Variants in KAT2B observed in about 807,000 individuals in gnomAD.
The protein encoded by KAT2B is histone acetyltransferase KAT2B.
KAT2B carries 36 observed loss-of-function variants against 105.9 expected under a neutral mutation model. The observed-to-expected ratio is 0.34, with a 90% confidence interval of 0.26 to 0.45. The LOEUF (loss-of-function observed/expected upper bound fraction) is 0.45. KAT2B is among the 20% of genes least tolerant of loss of function. KAT2B has a pLI of 1.00. For synonymous variants in KAT2B, 397 were observed against 377.9 expected (o/e 1.05, Z -0.59); for missense variants, 820 against 1,021.6 (o/e 0.80, Z 2.69).
intron 5 of KAT2B, among the ~76,000 whole-genome samples, chr3:20,102,569 C>G (rs975629095): frequency 3.3e-5 from 5 of 152,178 alleles, no homozygotes; most frequent in Admixed American, 2.6e-4. Flanking sequence ...CATTCAAACT[C>G]TGCAGATAGT....
chr3:20,153,485 A>AT lies in KAT2B; in HGVS notation c.*961dup, dbSNP rs1295615281. ...AATATGCAAATGAACATTTTCCTTTATGTCTCTCCAGATAATGTTTATTGT... is the reference window on the plus strand; with the variant it reads ...AATATGCAAATGAACATTTTCCTTTATTGTCTCTCCAGATAATGTTTATTGT... On this transcript the variant is annotated 3_prime_UTR_variant, in exon 18 of 18. Coordinates refer to ENST00000263754, the MANE Select transcript of KAT2B (RefSeq NM_003884.5). 6.6e-6 allele frequency: 1 copy of AT among 152,594 alleles called. No homozygotes were observed. Among genetic ancestry groups the AT allele is most frequent in the African/African-American group, 2.4e-5 (1 of 41,448 alleles). 9.5% of individuals were successfully genotyped at this position (152,594 alleles called of 1,614,324 possible). A position where few individuals can be genotyped will look rare whatever the true frequency, so the allele number is the denominator to read the frequency against.
chr3:20,123,058 T>G (rs750468192), intron 9 of KAT2B: 17 of 674,970 alleles, frequency 2.5e-5, no homozygotes, highest in Non-Finnish European at 3.7e-6. Context: ...CTTTTTATCT[T>G]GAAAAATTTC....
intron 17 of KAT2B, among the ~76,000 whole-genome samples, chr3:20,151,370 G>A (rs1173992865): frequency 2.0e-5 from 3 of 151,782 alleles, no homozygotes; most frequent in Non-Finnish European, 2.9e-5. Context: ...CAATGTATTT[G>A]GTTATAGGTT....
intron 2 of KAT2B, among the ~76,000 whole-genome samples, chr3:20,084,027 C>G (rs1219218173): frequency 6.6e-6 from 1 of 152,130 alleles, no homozygotes; most frequent in African/African-American, 2.4e-5. Context: ...GCTACTTCCT[C>G]AGAGATTGAG....
intron 13 of KAT2B, among the ~76,000 whole-genome samples, chr3:20,143,290 A>G (rs1699725653): frequency 6.6e-6 from 1 of 152,194 alleles, no homozygotes; most frequent in African/African-American, 2.4e-5. Flanking sequence ...AACACAATGA[A>G]AATATCTCCT....
At chr3:20,121,475 C>T (rs561033632) in intron 8 of KAT2B, among the ~76,000 whole-genome samples, 14 of 152,144 alleles carry the variant, frequency 9.2e-5, no homozygotes, top group South Asian at 6.2e-4. Flanking sequence ...ATGAGGAAAG[C>T]GGAAGAAAGT....
intron 11 of KAT2B, 33 bp from the exon 12 acceptor site, chr3:20,136,909 A>G: frequency 8.6e-7 from 1 of 1,158,742 alleles, no homozygotes; most frequent in African/African-American, 1.5e-5. Context: ...TCCCCAGTCT[A>G]ATGTATTTGT....
chr3:20,084,200 A>G (rs1195103519), intron 2 of KAT2B, among the ~76,000 whole-genome samples: 1 of 152,150 alleles, frequency 6.6e-6, no homozygotes, highest in Non-Finnish European at 1.5e-5. Flanking sequence ...ATTACAGGGA[A>G]GCTTCTCTTT....
At chr3:20,102,478 A>C (rs993121109) in intron 5 of KAT2B, among the ~76,000 whole-genome samples, 1 of 152,208 alleles carries the variant, frequency 6.6e-6, no homozygotes, top group Non-Finnish European at 1.5e-5. Flanking sequence ...ACTTAATATC[A>C]TATCAAACAT....
intron 1 of KAT2B, among the ~76,000 whole-genome samples, chr3:20,048,930 G>A (rs1341874551): frequency 1.3e-5 from 2 of 151,964 alleles, no homozygotes; most frequent in Non-Finnish European, 2.9e-5. Context: ...GAGTGCAGTG[G>A]CGTGCACTGC....
intron 14 of KAT2B, among the ~76,000 whole-genome samples, chr3:20,146,993 A>G (rs1361310489): frequency 2.6e-5 from 4 of 152,178 alleles, no homozygotes; most frequent in Admixed American, 2.6e-4. Flanking sequence ...CCTATTTTAC[A>G]GTAGTTTTCC....
At chr3:20,144,331 C>T (rs1474087231) in intron 13 of KAT2B, among the ~76,000 whole-genome samples, 1 of 137,058 alleles carries the variant, frequency 7.3e-6, no homozygotes, top group Admixed American at 7.8e-5. Context: ...CTCTGTCACC[C>T]AGGCTGGAGT....
In KAT2B at chr3:20,092,662, A is replaced by G. The variant is rs549089376; in HGVS notation, c.431-2601A>G. Among the ~76,000 whole-genome samples the G allele has an allele frequency of 6.6e-4, 100 of 151,802 alleles. 2 individuals carry two copies. The highest frequency in any genetic ancestry group is 3.2e-4 in the Non-Finnish European group (22 of 67,966). ...ATCCTCTTGATGAATTGATCCCTTTATCATTATATAATGCCCTTTTTGGTC... is the reference window on the plus strand; with the variant it reads ...ATCCTCTTGATGAATTGATCCCTTTGTCATTATATAATGCCCTTTTTGGTC... On this transcript the variant is annotated intron_variant, in intron 2 of 17. Transcript: ENST00000263754.
Position 20,072,325 on chromosome 3 carries a change from A to G in KAT2B, c.304-8A>G, listed in dbSNP as rs745595746. On this transcript the variant is annotated splice_polypyrimidine_tract_variant and splice_region_variant and intron_variant, in intron 1 of 17. Coordinates refer to ENST00000263754, the MANE Select transcript of KAT2B (RefSeq NM_003884.5). ...ATAATTTTGTCTCTTTCTTTATTCC[A>G]TTTTTAGGCCGAGGAGTCTTGTAAA... is the stretch of plus-strand genomic sequence containing the variant. 3 of 1,612,970 alleles carry G rather than the reference A, an allele frequency of 1.9e-6. No individual in the cohort carries two copies. The highest frequency in any genetic ancestry group is 2.5e-6 in the Non-Finnish European group (3 of 1,179,260).
At chr3:20,116,737 C>T (rs1283292638) in intron 7 of KAT2B, among the ~76,000 whole-genome samples, 13 of 152,070 alleles carry the variant, frequency 8.5e-5, no homozygotes, top group African/African-American at 2.9e-4. Context: ...TAAGATGCTT[C>T]CTTGGTATCT....
intron 1 of KAT2B, among the ~76,000 whole-genome samples, chr3:20,046,814 C>T (rs1697819448): frequency 6.6e-6 from 1 of 152,054 alleles, no homozygotes; most frequent in Non-Finnish European, 1.5e-5. Context: ...CACCCAGGAG[C>T]TATTTAACCT....
intron 10 of KAT2B, among the ~76,000 whole-genome samples, chr3:20,126,542 G>A (rs889069399): frequency 6.6e-6 from 1 of 151,386 alleles, no homozygotes; most frequent in African/African-American, 2.4e-5. Flanking sequence ...AAAAAACTAG[G>A]CCGGGCATGG....
At chr3:20,109,007 A>G (rs9881689) in intron 5 of KAT2B, among the ~76,000 whole-genome samples, 2,474 of 152,300 alleles carry the variant, frequency 0.016, 75 homozygotes, top group African/African-American at 0.056. Context: ...GACCTCTGCC[A>G]TAGAGCCTAG....
intron 2 of KAT2B, among the ~76,000 whole-genome samples, chr3:20,085,320 A>G (rs1437264710): frequency 6.6e-6 from 1 of 152,200 alleles, no homozygotes; most frequent in African/African-American, 2.4e-5. Flanking sequence ...CTTCAGATTG[A>G]CCTCAAGGAA....
Sources: gnomAD v4.1 joint callset for allele counts (sites outside exome capture counted in the v4.1 genomes callset) on GRCh38, gnomAD v4.1.1 for gene constraint, MANE v1.5 for transcripts, NCBI Gene and HGNC (gene_info 2026-07-23, HGNC 2026-07-21) for gene names.